Variants in KBTBD8 observed in about 807,000 individuals in gnomAD.
The protein encoded by KBTBD8 is kelch repeat and BTB domain-containing protein 8.
In KBTBD8, 31 loss-of-function variants were observed where a neutral mutation model predicts 53.5. That is an observed-to-expected ratio of 0.58 (90% CI 0.44 to 0.78). The LOEUF is 0.78. KBTBD8 is among the 30% of genes least tolerant of loss of function. The probability of loss-of-function intolerance (pLI) is 0.00; values close to 1 mark genes in which losing one functional copy is unlikely to be tolerated. For synonymous variants in KBTBD8, 250 were observed against 247.3 expected, an observed-to-expected ratio of 1.01 and a Z score of -0.10; for missense variants, 642 against 735.8, an observed-to-expected ratio of 0.87 and a Z score of 1.48.
rs1271964171 is a variant in KBTBD8 at position 67,010,415 on chromosome 3, G to GGCT, written c.*2032_*2034dup. 9 of 152,596 alleles carry GGCT rather than the reference G, an allele frequency of 5.9e-5. 1 individual carries two copies. Among genetic ancestry groups the GGCT allele is most frequent in the African/African-American group, 2.2e-4 (9 of 41,526 alleles). 9.5% of individuals were successfully genotyped at this position (152,596 alleles called of 1,614,324 possible). On this transcript the variant is annotated 3_prime_UTR_variant, in exon 4 of 4. Transcript: ENST00000417314. ...GAACATTGAGTTAGCAATTTACATG[G>GGCT]GCTGTATGTTATATAAGAGAATGAC...
At chr3:67,004,427 T>G (rs1702046494) in intron 3 of KBTBD8, 118 bp downstream of exon 3, 1 of 937,602 alleles carries the variant, frequency 1.1e-6, no homozygotes, top group Non-Finnish European at 1.7e-6. Context: ...AGCTTCCTTA[T>G]CAAACTATTG....
chr3:67,007,444 G>A (rs1022183151), intron 3 of KBTBD8, among the ~76,000 whole-genome samples: 1 of 150,950 alleles, frequency 6.6e-6, no homozygotes, highest in Non-Finnish European at 1.5e-5. Flanking sequence ...TTAGCCTCCT[G>A]AGTAGCTGGA....
At chr3:67,001,847 T>G (rs1344204217) in intron 2 of KBTBD8, among the ~76,000 whole-genome samples, 2 of 152,238 alleles carry the variant, frequency 1.3e-5, no homozygotes, top group Non-Finnish European at 2.9e-5. Context: ...ATTTGAGAGA[T>G]ATTTTTTAAG....
chr3:67,003,049 A>T, intron 2 of KBTBD8, 146 bp from the exon 3 acceptor site: 3 of 827,096 alleles, frequency 3.6e-6, no homozygotes, highest in Non-Finnish European at 5.6e-6. Flanking sequence ...ATCAATTTTT[A>T]CTCCTATTCA....
intron 2 of KBTBD8, 26 bp from the exon 3 acceptor site, chr3:67,003,169 A>G (rs1575579374): frequency 6.3e-7 from 1 of 1,595,278 alleles, no homozygotes; most frequent in Non-Finnish European, 8.6e-7. Flanking sequence ...GCACACGTGT[A>G]ATATTAACCA....
At chr3:67,000,234 C>T (rs1186980938) in intron 2 of KBTBD8, among the ~76,000 whole-genome samples, 1 of 152,128 alleles carries the variant, frequency 6.6e-6, no homozygotes, top group East Asian at 1.9e-4. Context: ...ACCGTTTAGA[C>T]TTGCCTAGGG....
chr3:67,008,510 T>TAA lies in KBTBD8; in HGVS notation c.*127_*128dup. ...TTTATACATGGAAAATGGGTATGCT[T>TAA]AAAGATTGCAGGGTAGGGAGGGATT... On this transcript the variant is annotated 3_prime_UTR_variant, in exon 4 of 4. Coordinates refer to ENST00000417314, the MANE Select transcript of KBTBD8 (RefSeq NM_032505.3). The TAA allele has an allele frequency of 1.6e-6, 1 of 641,890 alleles. No homozygotes were observed. The highest frequency in any genetic ancestry group is 2.6e-6 in the Non-Finnish European group (1 of 384,064). The allele number at this position is 641,890 out of a possible 1,614,324, so 39.8% of individuals were successfully genotyped here.
chr3:66,999,151 T>G lies in KBTBD8; in HGVS notation c.187T>G (p.Cys63Gly). 2 of 1,614,202 alleles carry G rather than the reference T, an allele frequency of 1.2e-6. No homozygotes were observed. The highest frequency in any genetic ancestry group is 1.7e-6 in the Non-Finnish European group (2 of 1,180,016). Residue 63 changes from cysteine (C) to glycine (G), a missense_variant, in exon 2 of 4, where the codon TGT (cysteine) becomes GGT (glycine). Coordinates refer to ENST00000417314, the MANE Select transcript of KBTBD8 (RefSeq NM_032505.3). ...VEVDHGKTFS[C>G]HRNVLAAISP... ...AGTGGATCACGGGAAAACATTTTCC[T>G]GTCATAGAAACGTTCTTGCTGCAAT...
At position 67,010,359 on chromosome 3, in the gene KBTBD8, A is replaced by T. The variant is rs967330461; in HGVS notation, c.*1974A>T. The T allele has an allele frequency of 1.3e-5, 2 of 152,618 alleles. No individual in the cohort carries two copies. The highest frequency in any genetic ancestry group is 4.8e-5 in the African/African-American group (2 of 41,466). 9.5% of individuals were successfully genotyped at this position (152,618 alleles called of 1,614,324 possible). On this transcript the variant is annotated 3_prime_UTR_variant, in exon 4 of 4. Coordinates refer to ENST00000417314, the MANE Select transcript of KBTBD8 (RefSeq NM_032505.3). Reference sequence around the variant, plus strand: ...CGCTTTTTGACAATCTTGTGTATTTAGAAAAATGTATTACTTGAAAACATG... The same window carrying T: ...CGCTTTTTGACAATCTTGTGTATTTTGAAAAATGTATTACTTGAAAACATG...
rs768912002 is a variant in KBTBD8 at position 67,003,752 on chromosome 3, C to A, written c.785C>A (p.Ala262Asp). Reference protein sequence around the residue: ...KIPPQFAQAIAKSCVEKGPSN... With the variant: ...KIPPQFAQAIDKSCVEKGPSN... ...CCACCTCAGTTTGCACAGGCTATAG[C>A]CAAAAGCTGTGTAGAAAAGGGACCA... Residue 262 changes from alanine (A) to aspartate (D), a missense_variant, in exon 3 of 4, where the codon GCC (alanine) becomes GAC (aspartate). Ala to Asp is a moderately radical substitution (Grantham distance 126). Transcript: ENST00000417314. The A allele has an allele frequency of 6.2e-7, 1 of 1,613,940 alleles. No homozygotes were observed. Among genetic ancestry groups the A allele is most frequent in the African/African-American group, 1.3e-5 (1 of 74,894 alleles).
Position 67,008,224 on chromosome 3 carries a change from G to A in KBTBD8, c.1645G>A (p.Val549Ile), listed in dbSNP as rs772686457. Residue 549 changes from valine to isoleucine, a missense_variant, in exon 4 of 4, where the codon GTC (valine) becomes ATC (isoleucine). Transcript: ENST00000417314. ...TACTCAAGTGACTGTTGAAGAACACGTCTTCAGAACCAGCAGAAAAAATTC... is the reference window on the plus strand; with the variant it reads ...TACTCAAGTGACTGTTGAAGAACACATCTTCAGAACCAGCAGAAAAAATTC... The part of the protein sequence containing the change: ...RATQVTVEEH[V>I]FRTSRKNSLY... 9.3e-6 allele frequency: 15 copies of A among 1,613,898 alleles called. No homozygotes were observed. Among genetic ancestry groups the A allele is most frequent in the African/African-American group, 2.7e-5 (2 of 74,898 alleles).
chr3:66,998,662 C>G (rs1386073377), intron 1 of KBTBD8, among the ~76,000 whole-genome samples: 1 of 152,096 alleles, frequency 6.6e-6, no homozygotes, highest in Non-Finnish European at 1.5e-5. Flanking sequence ...TCGTGAGGCT[C>G]TGCCCTCGGC....
chr3:67,009,373 A>G lies in KBTBD8; in HGVS notation c.*988A>G, dbSNP rs137994976. 7.1e-4 allele frequency: 109 copies of G among 152,742 alleles called. No individual in the cohort carries two copies. The highest frequency in any genetic ancestry group is 2.3e-3 in the African/African-American group (96 of 41,574). The allele number at this position is 152,742 out of a possible 1,614,324, so 9.5% of individuals were successfully genotyped here. A position where few individuals can be genotyped will look rare whatever the true frequency, so the allele number is the denominator to read the frequency against. On this transcript the variant is annotated 3_prime_UTR_variant, in exon 4 of 4. Transcript: ENST00000417314. ...AACCTTCTCTTCCATCTACCTGTCC[A>G]TTCATTATTGGTACAAGGAAAGGTA...
Position 67,003,806 on chromosome 3 carries a change from T to C in KBTBD8, c.839T>C (p.Leu280Pro). 1.2e-6 allele frequency: 2 copies of C among 1,614,182 alleles called. No individual in the cohort carries two copies. Among genetic ancestry groups the C allele is most frequent in the Non-Finnish European group, 1.7e-6 (2 of 1,180,026 alleles). The change falls in exon 3 of 4, where the codon CTT (leucine) becomes CCT (proline). Residue 280 changes from leucine to proline, a missense_variant. By Grantham distance (98) the Leu-to-Pro change is moderately conservative (BLOSUM62 -3). Transcript: ENST00000417314. ...AACACCAATGGCTGTACACAGAGGCTTGGAATGACTGCTTCTGAAATGATC... is the reference window on the plus strand; with the variant it reads ...AACACCAATGGCTGTACACAGAGGCCTGGAATGACTGCTTCTGAAATGATC... ...PSNTNGCTQR[L>P]GMTASEMIIC...
In KBTBD8 at chr3:66,998,319, C is replaced by A; in HGVS notation, c.-37C>A. On this transcript the variant is annotated 5_prime_UTR_variant, in exon 1 of 4. Coordinates refer to ENST00000417314, the MANE Select transcript of KBTBD8 (RefSeq NM_032505.3). ...GAGCTAGAGAAGCGAAATGACATTT[C>A]CTTTTTAAATAGCTGGAGTCGGGGC... The A allele has an allele frequency of 7.7e-7, 1 of 1,296,776 alleles. No individual in the cohort carries two copies. Among genetic ancestry groups the A allele is most frequent in the Non-Finnish European group, 9.9e-7 (1 of 1,014,230 alleles). 80.3% of individuals were successfully genotyped at this position (1,296,776 alleles called of 1,614,324 possible). A position where few individuals can be genotyped will look rare whatever the true frequency, so the allele number is the denominator to read the frequency against.
At chr3:67,007,051 GT>G (rs1485898557) in intron 3 of KBTBD8, among the ~76,000 whole-genome samples, 5 of 152,132 alleles carry the variant, frequency 3.3e-5, no homozygotes, top group Non-Finnish European at 5.9e-5. Flanking sequence ...TTAAAGTCAT[GT>G]TTTCTCCTGC....
chr3:67,000,829 A>AAGT (rs1398039569), intron 2 of KBTBD8, among the ~76,000 whole-genome samples: 2 of 152,066 alleles, frequency 1.3e-5, no homozygotes, highest in African/African-American at 4.8e-5. Flanking sequence ...TATGCTTACT[A>AAGT]AGTATACTTA....
rs1575581503 is a variant in KBTBD8, at chr3:67,009,947, A to G, written c.*1562A>G. On this transcript the variant is annotated 3_prime_UTR_variant, in exon 4 of 4. Transcript: ENST00000417314. The stretch of plus-strand genomic sequence containing the variant: ...TGAAAACATTGCCTCTTTGCATCAC[A>G]TACCTCGTTTTTCAGAAACTTTCCA... The G allele has an allele frequency of 6.5e-6, 1 of 152,744 alleles. No individual in the cohort carries two copies. The highest frequency in any genetic ancestry group is 1.5e-5 in the Non-Finnish European group (1 of 68,002). The allele number at this position is 152,744 out of a possible 1,614,324, so 9.5% of individuals were successfully genotyped here.
chr3:67,003,568 G>A lies in KBTBD8; in HGVS notation c.601G>A (p.Asp201Asn). ...LTKDQLISIL[D>N]SDDLNVDREE... The stretch of plus-strand genomic sequence containing the variant: ...AAAAGACCAACTGATAAGTATACTA[G>A]ACAGTGACGATTTAAATGTAGACCG... Residue 201 changes from aspartate (D) to asparagine (N), a missense_variant, in exon 3 of 4, where the codon GAC becomes AAC. Transcript: ENST00000417314. 6.2e-7 allele frequency: 1 copy of A among 1,613,990 alleles called. No homozygotes were observed. Among genetic ancestry groups the A allele is most frequent in the Non-Finnish European group, 8.5e-7 (1 of 1,179,914 alleles).
Sources: allele counts gnomAD v4.1 joint callset (sites outside exome capture counted in the v4.1 genomes callset), GRCh38; gene constraint gnomAD v4.1.1; transcripts MANE v1.5; gene names NCBI Gene and HGNC (gene_info 2026-07-23, HGNC 2026-07-21).